Variants in VIT observed in about 807,000 individuals in gnomAD.
VIT encodes the protein vitrin.
VIT carries 99 observed loss-of-function variants against 78.0 expected under a neutral mutation model. That is an observed-to-expected ratio of 1.27 (90% CI 1.08 to 1.50). The LOEUF is 1.50. Ranked by LOEUF, VIT falls within the 40% of genes most tolerant of loss-of-function variation. VIT has a pLI of 0.00. For missense variants in VIT, 1,126 were observed against 875.3 expected (o/e 1.29, Z -3.61); for synonymous variants, 374 against 334.3 (o/e 1.12, Z -1.29).
At chr2:36,794,407 T>G (rs1665718979) in intron 12 of VIT, among the ~76,000 whole-genome samples, 1 of 152,220 alleles carries the variant, frequency 6.6e-6, no homozygotes, top group African/African-American at 2.4e-5. Context: ...GCATAAAAAT[T>G]TAGTGGCATA....
chr2:36,808,371 G>C, intron 14 of VIT, 101 bp from the exon 15 acceptor site: 2 of 1,436,022 alleles, frequency 1.4e-6, no homozygotes, highest in East Asian at 2.5e-5. Flanking sequence ...AGAAAACAAG[G>C]GCCTGCTTGC....
chr2:36,697,422 A>G (rs6722903), intron 1 of VIT, among the ~76,000 whole-genome samples: 107,461 of 152,156 alleles, frequency 0.71, 38,495 homozygotes, highest in East Asian at 0.96. Flanking sequence ...CTAACTTAAA[A>G]GAGAAACTAT....
At chr2:36,809,091 C>A in intron 15 of VIT, 106 bp downstream of exon 15, 2 of 1,421,958 alleles carry the variant, frequency 1.4e-6, no homozygotes, top group South Asian at 1.5e-5. Context: ...GTTTTTTCTG[C>A]GACTTAATAA....
At chr2:36,706,898 G>A (rs982856754) in intron 1 of VIT, among the ~76,000 whole-genome samples, 1 of 152,136 alleles carries the variant, frequency 6.6e-6, no homozygotes, top group Non-Finnish European at 1.5e-5. Flanking sequence ...TGAGGAGTTG[G>A]CAGGGTAGAA....
chr2:36,775,057 T>A lies in VIT; in HGVS notation c.792T>A (p.Asp264Glu). 6.2e-7 allele frequency: 1 copy of A among 1,613,966 alleles called. No homozygotes were observed. Among genetic ancestry groups the A allele is most frequent in the Non-Finnish European group, 8.5e-7 (1 of 1,180,002 alleles). The change falls in exon 9 of 16, where the codon GAT becomes GAA. Residue 264 changes from aspartate (D) to glutamate (E), a missense_variant. Transcript: ENST00000379242. ...GAAFQKPVGA[D>E]VSLGEMDSWK... ...CCTTCCAGAAACCTGTTGGAGCGGA[T>A]GTCAGCCTGGGTAAGCTGCCCACTG...
chr2:36,716,544 T>C (rs1666148566), intron 2 of VIT, 122 bp downstream of exon 2: 10 of 780,150 alleles, frequency 1.3e-5, no homozygotes, highest in Non-Finnish European at 1.9e-5. Flanking sequence ...TATCATTTTA[T>C]AAGAAACATT....
chr2:36,802,279 T>C (rs1372215186), intron 13 of VIT, among the ~76,000 whole-genome samples: 1 of 152,196 alleles, frequency 6.6e-6, no homozygotes, highest in Non-Finnish European at 1.5e-5. Flanking sequence ...AGTGTATTCA[T>C]TTGTAAATGA....
At chr2:36,786,167 C>CTT (rs148190765) in intron 11 of VIT, among the ~76,000 whole-genome samples, 9 of 143,826 alleles carry the variant, frequency 6.3e-5, no homozygotes, top group African/African-American at 2.4e-4. Context: ...TTTACTCACT[C>CTT]TTTTTTTTTT....
chr2:36,811,418 A>AG (rs1667159074), intron 15 of VIT, among the ~76,000 whole-genome samples: 1 of 152,194 alleles, frequency 6.6e-6, no homozygotes, highest in Admixed American at 6.5e-5. Context: ...ATGAAGACTG[A>AG]GGGAAATGGC....
intron 8 of VIT, 124 bp downstream of exon 8, chr2:36,773,971 C>A: frequency 1.1e-6 from 1 of 922,754 alleles, no homozygotes; most frequent in Non-Finnish European, 1.5e-6. Context: ...CTTAGGCCAA[C>A]AGAAGATGCC....
intron 5 of VIT, among the ~76,000 whole-genome samples, chr2:36,757,390 T>C (rs956345878): frequency 6.6e-6 from 1 of 152,344 alleles, no homozygotes. Flanking sequence ...GACCCCCTAA[T>C]ACTTCCCTTT....
At chr2:36,781,800 C>T (rs1015922816) in intron 10 of VIT, 29 bp downstream of exon 10, 17 of 1,613,674 alleles carry the variant, frequency 1.1e-5, no homozygotes, top group Admixed American at 3.3e-5. Flanking sequence ...CTCTCAGCCA[C>T]GCGTGGATCA....
intron 12 of VIT, among the ~76,000 whole-genome samples, chr2:36,796,568 T>C (rs1253771414): frequency 6.6e-6 from 1 of 152,220 alleles, no homozygotes; most frequent in Non-Finnish European, 1.5e-5. Context: ...AATATTAAGA[T>C]ATCAGGAAAA....
rs1344989021 is a variant in VIT at position 36,699,665 on chromosome 2, GATA to G, written c.-19+2693_-19+2695del. Among the ~76,000 whole-genome samples the G allele has an allele frequency of 2.1e-3, 314 of 151,910 alleles. 2 individuals are homozygous for G. The highest frequency in any genetic ancestry group is 6.7e-3 in the African/African-American group (279 of 41,336). ...AGATAGATAGATAGATAGATAGATAGATATGCACACACATATACATAGTGTACT... is the reference window on the plus strand; with the variant it reads ...AGATAGATAGATAGATAGATAGATAGTGCACACACATATACATAGTGTACT... On this transcript the variant is annotated intron_variant, in intron 1 of 15. Coordinates refer to ENST00000379242, the MANE Select transcript of VIT (RefSeq NM_053276.4).
In VIT at chr2:36,784,088, C is replaced by CTTAA. The variant is rs546269900; in HGVS notation, c.910+687_910+690dup. Among the ~76,000 whole-genome samples, 11 of 152,248 alleles carry CTTAA rather than the reference C, an allele frequency of 7.2e-5. No individual in the cohort carries two copies. The South Asian group carries it at 2.3e-3, about 32-fold the overall frequency. ...CAGTAAAGTAAGAAGATACAGAAGA[C>CTTAA]TTAAGCCTGGAGAACAACACTAGGT... is the stretch of plus-strand genomic sequence containing the variant. On this transcript the variant is annotated intron_variant, in intron 11 of 15. Coordinates refer to ENST00000379242, the MANE Select transcript of VIT (RefSeq NM_053276.4).
At chr2:36,734,558 A>G in intron 3 of VIT, among the ~76,000 whole-genome samples, 1 of 152,198 alleles carries the variant, frequency 6.6e-6, no homozygotes. Context: ...CTGACCAAGT[A>G]GAAAGTAAAG....
chr2:36,809,883 C>T (rs1325026595), intron 15 of VIT, among the ~76,000 whole-genome samples: 1 of 151,054 alleles, frequency 6.6e-6, no homozygotes, highest in African/African-American at 2.4e-5. Context: ...CCCAGCTACT[C>T]GGCAGGCTGA....
intron 7 of VIT, among the ~76,000 whole-genome samples, chr2:36,771,462 G>A (rs895685790): frequency 2.7e-5 from 4 of 150,452 alleles, no homozygotes; most frequent in African/African-American, 7.4e-5. Context: ...GGCAGCAGGA[G>A]TTGCAGTGAG....
At chr2:36,730,893 G>A (rs10176373) in intron 3 of VIT, among the ~76,000 whole-genome samples, 6,885 of 152,176 alleles carry the variant, frequency 0.045, 567 homozygotes, top group African/African-American at 0.16. Flanking sequence ...ATTGGTTTGC[G>A]AGTATGCAAA....
Sources: allele counts gnomAD v4.1 joint callset (sites outside exome capture counted in the v4.1 genomes callset), GRCh38; gene constraint gnomAD v4.1.1; transcripts MANE v1.5; gene names NCBI Gene and HGNC (gene_info 2026-07-23, HGNC 2026-07-21).